EMILIN2: variants seen among roughly 807,000 people sequenced by gnomAD.
The protein encoded by EMILIN2 is elastin microfibril interfacer 2.
Under a neutral mutation model 87.1 loss-of-function variants are expected in EMILIN2, and 71 were observed. The ratio of observed to expected loss-of-function variants is 0.82; its 90% CI spans 0.67 to 0.99. The LOEUF is 0.99. Ranked by LOEUF, EMILIN2 falls within the 50% of genes least tolerant of loss-of-function variation. The probability of loss-of-function intolerance (pLI) is 0.00; values close to 1 mark genes in which losing one functional copy is unlikely to be tolerated. For synonymous variants in EMILIN2, 581 were observed against 563.4 expected (o/e 1.03, Z -0.44); for missense variants, 1,407 against 1,371.8 (o/e 1.03, Z -0.40).
At chr18:2,899,799 C>T (rs973445528) in intron 4 of EMILIN2, among the ~76,000 whole-genome samples, 9 of 152,120 alleles carry the variant, frequency 5.9e-5, no homozygotes, top group Admixed American at 2.0e-4. Flanking sequence ...CCACCGCGCG[C>T]GGCCCAGCTT....
At chr18:2,906,593 G>C (rs966772690) in intron 4 of EMILIN2, 190 bp from the exon 5 acceptor site, 6 of 417,600 alleles carry the variant, frequency 1.4e-5, no homozygotes, top group African/African-American at 2.1e-5. Flanking sequence ...GGCGGCGTCC[G>C]GGTGGCCCGC....
Position 2,885,109 on chromosome 18 carries a change from C to A in EMILIN2, c.403C>A (p.Arg135=). The change falls in exon 3 of 8, where the codon CGG becomes AGG. Residue 135 remains arginine (R), a synonymous_variant. Transcript: ENST00000254528. The part of the protein sequence containing the change: ...PVKTLRPTPA[R]PRNSLKKATD... ...GAAGACCCTCCGCCCCACGCCGGCT[C>A]GGCCTCGAAACAGCTTGAAGAAAGC... The A allele has an allele frequency of 6.2e-7, 1 of 1,610,388 alleles. No individual in the cohort carries two copies. Among genetic ancestry groups the A allele is most frequent in the Non-Finnish European group, 8.5e-7 (1 of 1,178,698 alleles).
chr18:2,903,824 C>G (rs1350064137), intron 4 of EMILIN2, among the ~76,000 whole-genome samples: 1 of 152,128 alleles, frequency 6.6e-6, no homozygotes, highest in African/African-American at 2.4e-5. Flanking sequence ...TCTTTCTGAT[C>G]TAACCTGGAC....
intron 6 of EMILIN2, 69 bp downstream of exon 6, chr18:2,909,044 C>G (rs1407235857): frequency 2.6e-6 from 4 of 1,550,854 alleles, no homozygotes; most frequent in Non-Finnish European, 3.6e-6. Flanking sequence ...TCCTCTGCAT[C>G]TCCTGCCTCC....
At chr18:2,877,511 C>T (rs1445595294) in intron 2 of EMILIN2, among the ~76,000 whole-genome samples, 9 of 149,578 alleles carry the variant, frequency 6.0e-5, no homozygotes, top group African/African-American at 1.2e-4. Context: ...TGGCTGGGCG[C>T]GGTGGCCTGT....
At chr18:2,865,170 C>G (rs889570160) in intron 2 of EMILIN2, among the ~76,000 whole-genome samples, 1 of 151,738 alleles carries the variant, frequency 6.6e-6, no homozygotes, top group Non-Finnish European at 1.5e-5. Flanking sequence ...GAACTTCCTC[C>G]TTTAGCTCGT....
Position 2,876,413 on chromosome 18 carries a change from T to G in EMILIN2, c.258-8551T>G, listed in dbSNP as rs566046814. Among the ~76,000 whole-genome samples the G allele has an allele frequency of 1.2e-4, 19 of 152,302 alleles. 1 individual carries two copies. In the South Asian group the frequency reaches 3.9e-3, roughly 32 times the overall value. ...ATATCTTTTGTACTGGGAAACAGTCTCCTGTAGAATATTTTCATTTTGAAC... is the reference window on the plus strand; with the variant it reads ...ATATCTTTTGTACTGGGAAACAGTCGCCTGTAGAATATTTTCATTTTGAAC... On this transcript the variant is annotated intron_variant, in intron 2 of 7. Coordinates refer to ENST00000254528, the MANE Select transcript of EMILIN2 (RefSeq NM_032048.3).
intron 2 of EMILIN2, among the ~76,000 whole-genome samples, chr18:2,851,877 G>A (rs764996896): frequency 8.5e-5 from 13 of 152,142 alleles, no homozygotes; most frequent in Admixed American, 2.0e-4. Context: ...ACAGCCCTTC[G>A]GGTTGAATAG....
rs139951867 is a variant in EMILIN2, at chr18:2,903,068, TAGAG to T, written c.2360-3711_2360-3708del. Reference sequence around the variant, plus strand: ...ATTCTGTTTTCCCCTGAGTTTTAGATAGAGAGACATACGCTTGGGCTAAAAGGAA... The same window carrying T: ...ATTCTGTTTTCCCCTGAGTTTTAGATAGACATACGCTTGGGCTAAAAGGAA... On this transcript the variant is annotated intron_variant, in intron 4 of 7. Coordinates refer to ENST00000254528, the MANE Select transcript of EMILIN2 (RefSeq NM_032048.3). 8.0e-3 allele frequency among the ~76,000 whole-genome samples: 1,215 copies of T among 151,662 alleles called. 23 individuals carry two copies. The highest frequency in any genetic ancestry group is 0.079 in the East Asian group (405 of 5,134).
intron 2 of EMILIN2, among the ~76,000 whole-genome samples, chr18:2,866,679 G>A (rs1009332024): frequency 3.9e-5 from 6 of 152,138 alleles, no homozygotes; most frequent in Non-Finnish European, 8.8e-5. Context: ...AGATTTGGAT[G>A]CCCTTTATTT....
chr18:2,847,317 G>T lies in EMILIN2; in HGVS notation c.129G>T (p.Arg43Ser). Residue 43 changes from arginine (R) to serine (S), a missense_variant, in exon 1 of 8, where the codon AGG becomes AGT. Transcript: ENST00000254528. The surrounding 1 kb of genome is among the most constrained non-coding windows in gnomAD (Gnocchi z 4.5). ...QPGYPARPSA[R>S]NKNWCAYIVN... ...GGTATCCCGCGCGGCCCAGCGCCAG[G>T]AACAAGTAAGTGCGCGCCCCTTGGC... 7.6e-7 allele frequency: 1 copy of T among 1,318,772 alleles called. No homozygotes were observed. 81.7% of individuals were successfully genotyped at this position (1,318,772 alleles called of 1,614,324 possible). A position where few individuals can be genotyped will look rare whatever the true frequency, so the allele number is the denominator to read the frequency against.
intron 2 of EMILIN2, among the ~76,000 whole-genome samples, chr18:2,879,928 G>A (rs1201121540): frequency 6.6e-6 from 1 of 152,028 alleles, no homozygotes; most frequent in African/African-American, 2.4e-5. Flanking sequence ...GGCTGTTCTC[G>A]AACTCCTGAG....
rs1229899197 is a variant in EMILIN2, at chr18:2,909,827, T to A, written c.2824+8T>A. 6.2e-7 allele frequency: 1 copy of A among 1,612,966 alleles called. No homozygotes were observed. The highest frequency in any genetic ancestry group is 8.5e-7 in the Non-Finnish European group (1 of 1,179,506). ...TTTACAACCCCAGCACCGGTGAGTG[T>A]TTGAACGGAACTGGTACTGTGTCCT... On this transcript the variant is annotated splice_region_variant and intron_variant, in intron 7 of 7. Transcript: ENST00000254528.
chr18:2,909,061 C>A, intron 6 of EMILIN2, 86 bp downstream of exon 6: 1 of 1,512,606 alleles, frequency 6.6e-7, no homozygotes, highest in Non-Finnish European at 9.2e-7. Flanking sequence ...CTCCTCCCTC[C>A]AGGCTATTAG....
At chr18:2,897,433 G>C (rs2076868459) in intron 4 of EMILIN2, among the ~76,000 whole-genome samples, 1 of 152,194 alleles carries the variant, frequency 6.6e-6, no homozygotes, top group Non-Finnish European at 1.5e-5. Flanking sequence ...GGAAGAGAGA[G>C]GGCCTGTAAA....
rs1464198823 is a variant in EMILIN2 at position 2,914,497 on chromosome 18, A to G, written c.*1093A>G. 1 of 152,208 alleles carries G rather than the reference A, an allele frequency of 6.6e-6. No individual in the cohort carries two copies. The allele number at this position is 152,208 out of a possible 1,614,324, so 9.4% of individuals were successfully genotyped here. A position where few individuals can be genotyped will look rare whatever the true frequency, so the allele number is the denominator to read the frequency against. The stretch of plus-strand genomic sequence containing the variant: ...AGCTGAGCCCATCTGAGAACACGGC[A>G]TCTTCACACAGCGAGACGCCTCCAC... On this transcript the variant is annotated 3_prime_UTR_variant, in exon 8 of 8. Transcript: ENST00000254528.
In EMILIN2 at chr18:2,861,081, T is replaced by C. The variant is rs147427010; in HGVS notation, c.257+13150T>C. Among the ~76,000 whole-genome samples the C allele has an allele frequency of 3.8e-3, 578 of 151,612 alleles. 4 individuals are homozygous for C. The highest frequency in any genetic ancestry group is 0.014 in the African/African-American group (557 of 40,960). ...TATCCTTTGCCACTTTTTGATGGGG[T>C]TTTTTGTTTTTTTTCTTGTAAATTT... is the stretch of plus-strand genomic sequence containing the variant. On this transcript the variant is annotated intron_variant, in intron 2 of 7. Transcript: ENST00000254528.
intron 2 of EMILIN2, among the ~76,000 whole-genome samples, chr18:2,866,686 A>C (rs561571281): frequency 2.0e-5 from 3 of 152,056 alleles, no homozygotes; most frequent in South Asian, 4.1e-4. Flanking sequence ...GATGCCCTTT[A>C]TTTCTTTCTT....
intron 7 of EMILIN2, among the ~76,000 whole-genome samples, chr18:2,911,989 C>A (rs1421747650): frequency 6.8e-6 from 1 of 147,320 alleles, no homozygotes; most frequent in Non-Finnish European, 1.5e-5. Context: ...CAGACCTCTT[C>A]TGTTTTCCAG....
Sources: allele counts gnomAD v4.1 joint callset (sites outside exome capture counted in the v4.1 genomes callset), GRCh38; gene constraint gnomAD v4.1.1; non-coding constraint Gnocchi (gnomAD v3.1); transcripts MANE v1.5; gene names NCBI Gene and HGNC (gene_info 2026-07-23, HGNC 2026-07-21).